NDST1: variants seen among roughly 807,000 people sequenced by gnomAD.
NDST1 encodes bifunctional heparan sulfate N-deacetylase/N-sulfotransferase 1.
Under a neutral mutation model 92.8 loss-of-function variants are expected in NDST1, and 35 were observed. The observed-to-expected ratio is 0.38, with a 90% confidence interval of 0.29 to 0.50. The LOEUF is 0.50. Among genes scored for constraint, NDST1 ranks in the 20% least tolerant of loss-of-function variants. NDST1 has a pLI of 0.94. For missense variants in NDST1, 822 were observed against 1,182.7 expected (o/e 0.69, Z 4.47); for synonymous variants, 493 against 500.3 (o/e 0.99, Z 0.19).
At position 150,500,783 on chromosome 5, in the gene NDST1, T is replaced by C. The variant is rs562007760; in HGVS notation, c.-388+2544T>C. ...CAGGCTGAAACATCAAGTGCAGGCA[T>C]GAACAAGCCATTTACAGCCGGGTAA... is the stretch of plus-strand genomic sequence containing the variant. On this transcript the variant is annotated intron_variant, in intron 1 of 1. Transcript: ENST00000518299. Among the ~76,000 whole-genome samples, 16 of 152,302 alleles carry C rather than the reference T, an allele frequency of 1.1e-4. No individual in the cohort carries two copies. The East Asian group carries it at 2.9e-3, about 28-fold the overall frequency.
intron 11 of NDST1, among the ~76,000 whole-genome samples, chr5:150,546,199 T>C (rs1755476478): frequency 6.6e-6 from 1 of 152,102 alleles, no homozygotes; most frequent in Non-Finnish European, 1.5e-5. Flanking sequence ...GGTTTCACCA[T>C]GTTGGCCAGG....
Position 150,532,950 on chromosome 5 carries a change from G to A in NDST1, c.1014G>A (p.Leu338=). Residue 338 remains leucine, a synonymous_variant, in exon 4 of 15, where the codon CTG becomes CTA. Transcript: ENST00000261797. ...TTCTCCCCTGCCTGTCCTAGGCCCT[G>A]TTTGACACACAGAACGAACTACGCG... ...TRMKVEDVKA[L]FDTQNELRAH... is the part of the protein sequence containing the mutation. The A allele has an allele frequency of 6.2e-7, 1 of 1,614,192 alleles. No individual in the cohort carries two copies. Among genetic ancestry groups the A allele is most frequent in the Admixed American group, 1.7e-5 (1 of 60,026 alleles).
chr5:150,537,511 G>C (rs6877564), intron 6 of NDST1, among the ~76,000 whole-genome samples: 5,266 of 152,250 alleles, frequency 0.035, 316 homozygotes, highest in African/African-American at 0.12. Flanking sequence ...GCGCTCCCAG[G>C]CTTATTAGGA....
intron 9 of NDST1, 63 bp downstream of exon 9, chr5:150,541,729 G>A: frequency 1.4e-6 from 2 of 1,480,232 alleles, no homozygotes; most frequent in South Asian, 2.3e-5. Flanking sequence ...ACAGAATTCT[G>A]AGGACTGCCT....
Position 150,553,822 on chromosome 5 carries a change from G to T in NDST1, c.*490G>T. The T allele has an allele frequency of 2.1e-6, 1 of 468,446 alleles. No individual in the cohort carries two copies. Among genetic ancestry groups the T allele is most frequent in the Non-Finnish European group, 3.8e-6 (1 of 261,334 alleles). The allele number at this position is 468,446 out of a possible 1,614,324, so 29.0% of individuals were successfully genotyped here. On this transcript the variant is annotated 3_prime_UTR_variant, in exon 15 of 15. Transcript: ENST00000261797. The surrounding 1 kb of genome is among the most constrained non-coding windows in gnomAD (Gnocchi z 4.2). ...CTTCCAAGGGGCCAGCTGGGTCCCC[G>T]GAGTCAGTCCTAGGCTGGATGGGAG... is the stretch of plus-strand genomic sequence containing the variant.
intron 3 of NDST1, 101 bp from the exon 4 acceptor site, chr5:150,532,844 T>G: frequency 9.1e-7 from 1 of 1,096,332 alleles, no homozygotes; most frequent in African/African-American, 1.5e-5. Context: ...CTTTATAATT[T>G]TTGAACAAGG....
At chr5:150,520,183 G>T (rs1340820186) in intron 1 of NDST1, among the ~76,000 whole-genome samples, 2 of 152,198 alleles carry the variant, frequency 1.3e-5, no homozygotes, top group South Asian at 2.1e-4. Context: ...CTCAGCTACA[G>T]CCATGAGCTA....
At chr5:150,550,124 A>G (rs1175106072) in intron 13 of NDST1, among the ~76,000 whole-genome samples, 1 of 146,970 alleles carries the variant, frequency 6.8e-6, no homozygotes. Flanking sequence ...TTTTTTTTAG[A>G]CAGGGTCACT....
chr5:150,533,159 CT>C (rs1754821136), intron 4 of NDST1, 127 bp downstream of exon 4: 1 of 937,002 alleles, frequency 1.1e-6, no homozygotes, highest in Admixed American at 1.9e-5. Context: ...GAGGTGACCC[CT>C]CTGCCCCCGT....
intron 5 of NDST1, 152 bp downstream of exon 5, chr5:150,535,173 C>A: frequency 7.6e-7 from 1 of 1,312,036 alleles, no homozygotes; most frequent in Non-Finnish European, 1.0e-6. Flanking sequence ...CCTTTATAGC[C>A]ACTGTCTCCT....
At chr5:150,533,058 C>A (rs1561600329) in intron 4 of NDST1, 26 bp downstream of exon 4, 1 of 1,603,284 alleles carries the variant, frequency 6.2e-7, no homozygotes, top group East Asian at 2.2e-5. Context: ...CCTGCCCTCA[C>A]TAGCAACTTC....
rs1561605787 is a variant in NDST1 at position 150,542,980 on chromosome 5, G to C, written c.1970+9G>C. The C allele has an allele frequency of 1.2e-6, 2 of 1,613,878 alleles. No individual in the cohort carries two copies. The highest frequency in any genetic ancestry group is 1.7e-6 in the Non-Finnish European group (2 of 1,179,800). ...CACAAAGGCATCGACTGGTGAGTTG[G>C]CCTTTCTGTCCACAGCGGGACGGGA... On this transcript the variant is annotated intron_variant, in intron 10 of 14. Coordinates refer to ENST00000261797, the MANE Select transcript of NDST1 (RefSeq NM_001543.5).
chr5:150,513,282 G>C (rs898527461), intron 1 of NDST1, among the ~76,000 whole-genome samples: 1 of 152,092 alleles, frequency 6.6e-6, no homozygotes. Flanking sequence ...CTTGAGGTCA[G>C]GAGTTCGAGA....
intron 7 of NDST1, chr5:150,539,778 G>A (rs1229310232): frequency 2.0e-6 from 2 of 984,900 alleles, no homozygotes; most frequent in East Asian, 1.1e-4. Flanking sequence ...ATTCAGCTCT[G>A]TGGGCTGAGT....
intron 5 of NDST1, chr5:150,535,247 C>G: frequency 2.1e-6 from 2 of 937,994 alleles, no homozygotes; most frequent in Non-Finnish European, 2.5e-6. Flanking sequence ...GTCACACCAG[C>G]TACTAAGAGG....
chr5:150,500,926 C>G (rs951541607), intron 1 of NDST1, among the ~76,000 whole-genome samples: 2 of 152,248 alleles, frequency 1.3e-5, no homozygotes, highest in Non-Finnish European at 2.9e-5. Flanking sequence ...CTCCACCTCC[C>G]TCTGCAGGGG....
intron 2 of NDST1, among the ~76,000 whole-genome samples, chr5:150,526,998 G>T (rs1474320543): frequency 1.3e-5 from 2 of 152,262 alleles, no homozygotes; most frequent in Admixed American, 1.3e-4. Flanking sequence ...GGCCTCTGGG[G>T]TGCTAGGGGC....
intron 6 of NDST1, among the ~76,000 whole-genome samples, chr5:150,537,255 A>G (rs537638123): frequency 2.0e-5 from 3 of 152,358 alleles, no homozygotes; most frequent in African/African-American, 7.2e-5. Context: ...ACAGGATAAC[A>G]GCGATGTTCA....
At chr5:150,511,653 C>T (rs1158949188) in intron 1 of NDST1, among the ~76,000 whole-genome samples, 1 of 152,086 alleles carries the variant, frequency 6.6e-6, no homozygotes, top group Non-Finnish European at 1.5e-5. Flanking sequence ...CTCCAACAGT[C>T]TCTTTCCCGG....
Sources: gnomAD v4.1 joint callset for allele counts (sites outside exome capture counted in the v4.1 genomes callset) on GRCh38, gnomAD v4.1.1 for gene constraint, Gnocchi (gnomAD v3.1) non-coding constraint, MANE v1.5 for transcripts, NCBI Gene and HGNC (gene_info 2026-07-23, HGNC 2026-07-21) for gene names.